Variants in EVL observed in about 807,000 individuals in gnomAD.
EVL encodes Enah/Vasp-like.
In EVL, 21 loss-of-function variants were observed where a neutral mutation model predicts 59.6. That is an observed-to-expected ratio of 0.35 (90% CI 0.25 to 0.51). EVL has a LOEUF of 0.51. Ranked by LOEUF, EVL falls within the 20% of genes least tolerant of loss-of-function variation. The pLI is 0.97. For synonymous variants in EVL, 198 were observed against 203.5 expected (o/e 0.97, Z 0.23); for missense variants, 462 against 546.6 (o/e 0.85, Z 1.54).
At chr14:100,067,236 T>C (rs568610582) in intron 1 of EVL, among the ~76,000 whole-genome samples, 71 of 152,338 alleles carry the variant, frequency 4.7e-4, no homozygotes, top group Admixed American at 9.8e-4. Context: ...TGTGAACTTT[T>C]CGTTTTTCCT....
At chr14:100,125,253 T>TACACACACACACACACACAC (rs34556561) in intron 4 of EVL, among the ~76,000 whole-genome samples, 2 of 119,562 alleles carry the variant, frequency 1.7e-5, no homozygotes, top group African/African-American at 3.5e-5. Context: ...AAGGCAGGAA[T>TACACACACACACACACACAC]ACACACACAC....
intron 1 of EVL, among the ~76,000 whole-genome samples, chr14:100,046,446 C>T (rs2061546814): frequency 6.6e-6 from 1 of 152,116 alleles, no homozygotes; most frequent in South Asian, 2.1e-4. Context: ...GCGGGCAGAT[C>T]ACTTGATCTC....
chr14:99,973,184 T>C (rs986421222), intron 1 of EVL, among the ~76,000 whole-genome samples: 1 of 152,232 alleles, frequency 6.6e-6, no homozygotes, highest in African/African-American at 2.4e-5. Context: ...GATAAGCATA[T>C]CTTTAGCATT....
At chr14:100,002,601 C>T (rs979519350) in intron 1 of EVL, among the ~76,000 whole-genome samples, 4 of 152,116 alleles carry the variant, frequency 2.6e-5, no homozygotes, top group Admixed American at 1.3e-4. Flanking sequence ...ATTTTTAAAC[C>T]AAATAAGCCA....
At chr14:100,001,280 G>A (rs2140185036) in intron 1 of EVL, among the ~76,000 whole-genome samples, 1 of 152,172 alleles carries the variant, frequency 6.6e-6, no homozygotes, top group Admixed American at 6.5e-5. Context: ...GAAGGAAAAG[G>A]AAAAGAAAGA....
At chr14:100,019,302 G>GC in intron 1 of EVL, 1 of 230,826 alleles carries the variant, frequency 4.3e-6, no homozygotes, top group Non-Finnish European at 8.3e-6. Flanking sequence ...CACAGTTCTG[G>GC]TAGGGGGTGG....
chr14:100,102,227 G>C (rs1470736632), intron 3 of EVL: 1 of 455,572 alleles, frequency 2.2e-6, no homozygotes, highest in South Asian at 1.5e-5. Flanking sequence ...CAGTACCTTT[G>C]ACAAGTGCAG....
intron 1 of EVL, among the ~76,000 whole-genome samples, chr14:100,039,232 G>C (rs538805227): frequency 1.3e-5 from 2 of 152,282 alleles, no homozygotes; most frequent in East Asian, 3.9e-4. Flanking sequence ...ATCCTTGTTA[G>C]AGGCCATTTA....
chr14:100,124,115 G>A (rs2140369020), intron 4 of EVL, among the ~76,000 whole-genome samples: 1 of 152,344 alleles, frequency 6.6e-6, no homozygotes, highest in Non-Finnish European at 1.5e-5. Flanking sequence ...AGTCCCCATG[G>A]AGCAGCCTCC....
In EVL at chr14:100,143,997, T is replaced by A; in HGVS notation, c.*259T>A. ...TTTATATTTGCTTATTTAAGGTACATTTCTTTGGGTTTCTAGAGACGCCCC... is the reference window on the plus strand; with the variant it reads ...TTTATATTTGCTTATTTAAGGTACAATTCTTTGGGTTTCTAGAGACGCCCC... On this transcript the variant is annotated 3_prime_UTR_variant, in exon 14 of 14. Transcript: ENST00000392920. 1.9e-6 allele frequency: 1 copy of A among 524,328 alleles called. No individual in the cohort carries two copies. The highest frequency in any genetic ancestry group is 2.7e-5 in the South Asian group (1 of 37,504). 32.5% of individuals were successfully genotyped at this position (524,328 alleles called of 1,614,324 possible).
intron 1 of EVL, among the ~76,000 whole-genome samples, chr14:100,057,409 T>A (rs1053232441): frequency 1.3e-5 from 2 of 152,138 alleles, no homozygotes; most frequent in African/African-American, 2.4e-5. Flanking sequence ...TATTTGGCCA[T>A]TCACACTTTC....
At chr14:100,088,342 C>T (rs754349944) in intron 2 of EVL, among the ~76,000 whole-genome samples, 5 of 152,050 alleles carry the variant, frequency 3.3e-5, no homozygotes, top group Non-Finnish European at 7.4e-5. Context: ...CTCTTTTTAC[C>T]CAGAGGCCCC....
rs191106528 is a variant in EVL at position 100,089,387 on chromosome 14, G to A, written c.180+4532G>A. Reference sequence around the variant, plus strand: ...AATAGACCATATGCTGGGCCATAAAGCAAGTGTCAAGTTAAAAAGGATGGA... The same window carrying A: ...AATAGACCATATGCTGGGCCATAAAACAAGTGTCAAGTTAAAAAGGATGGA... On this transcript the variant is annotated intron_variant, in intron 2 of 13. Coordinates refer to ENST00000392920, the MANE Select transcript of EVL (RefSeq NM_016337.3). 5.3e-5 allele frequency among the ~76,000 whole-genome samples: 8 copies of A among 152,274 alleles called. No individual in the cohort carries two copies. In the East Asian group the frequency reaches 1.5e-3, roughly 29 times the overall value.
intron 3 of EVL, among the ~76,000 whole-genome samples, chr14:100,119,263 G>A (rs1030721193): frequency 6.6e-6 from 1 of 151,868 alleles, no homozygotes; most frequent in South Asian, 2.1e-4. Flanking sequence ...TCTTTATTTT[G>A]ACTTGACAAA....
intron 1 of EVL, among the ~76,000 whole-genome samples, chr14:99,976,026 TTC>T (rs1278281553): frequency 1.3e-5 from 2 of 151,990 alleles, no homozygotes; most frequent in Non-Finnish European, 2.9e-5. Flanking sequence ...ATTTTTAAAT[TTC>T]TTTTTTGTTT....
At chr14:100,060,470 T>C (rs2061808149), upstream of EVL, among the ~76,000 whole-genome samples, 1 of 151,074 alleles carries the variant, frequency 6.6e-6, no homozygotes, top group African/African-American at 2.4e-5. Flanking sequence ...AAAATTCTAC[T>C]ACTGGAAATG....
Position 100,123,621 on chromosome 14 carries a change from G to T in EVL, c.422+19G>T. ...AGAGAAGGTAACCCAGCACCCGCAG[G>T]GGCCAGGCTGGTCATCTCCCAATCA... On this transcript the variant is annotated intron_variant, in intron 4 of 13. Coordinates refer to ENST00000392920, the MANE Select transcript of EVL (RefSeq NM_016337.3). 6.2e-7 allele frequency: 1 copy of T among 1,613,646 alleles called. No individual in the cohort carries two copies. Among genetic ancestry groups the T allele is most frequent in the Non-Finnish European group, 8.5e-7 (1 of 1,179,724 alleles).
At chr14:100,014,282 C>T (rs1222394817) in intron 1 of EVL, among the ~76,000 whole-genome samples, 6 of 151,940 alleles carry the variant, frequency 3.9e-5, no homozygotes, top group Non-Finnish European at 5.9e-5. Flanking sequence ...TTTTTAGCCC[C>T]TATTCTAATT....
intron 2 of EVL, among the ~76,000 whole-genome samples, chr14:100,086,592 C>CA (rs973354830): frequency 1.2e-4 from 18 of 152,364 alleles, no homozygotes; most frequent in Admixed American, 7.2e-4. Context: ...CCCCAAAACC[C>CA]AAACACCGCC....
Sources: gnomAD v4.1 joint callset for allele counts (sites outside exome capture counted in the v4.1 genomes callset) on GRCh38, gnomAD v4.1.1 for gene constraint, MANE v1.5 for transcripts, NCBI Gene and HGNC (gene_info 2026-07-23, HGNC 2026-07-21) for gene names.